Variants in STX3 observed in about 807,000 individuals in gnomAD.
STX3 encodes syntaxin 3.
In STX3, 19 loss-of-function variants were observed where a neutral mutation model predicts 40.2. That is an observed-to-expected ratio of 0.47 (90% CI 0.33 to 0.69). The LOEUF (loss-of-function observed/expected upper bound fraction) is 0.69. STX3 is among the 30% of genes least tolerant of loss of function. The pLI is 0.02. For missense variants in STX3, 364 were observed against 366.7 expected, an observed-to-expected ratio of 0.99 and a Z score of 0.06; for synonymous variants, 122 against 132.2, an observed-to-expected ratio of 0.92 and a Z score of 0.53.
Position 59,801,002 on chromosome 11 carries a change from G to A in STX3, c.*178G>A. 2.0e-6 allele frequency: 3 copies of A among 1,525,534 alleles called. No individual in the cohort carries two copies. Among genetic ancestry groups the A allele is most frequent in the Non-Finnish European group, 2.6e-6 (3 of 1,140,854 alleles). The allele number at this position is 1,525,534 out of a possible 1,614,324, so 94.5% of individuals were successfully genotyped here. A position where few individuals can be genotyped will look rare whatever the true frequency, so the allele number is the denominator to read the frequency against. ...TGACTCAGCTAACAATCTAGCCCTG[G>A]GGGAATGTGATCTACCTGATGCGAC... On this transcript the variant is annotated 3_prime_UTR_variant, in exon 11 of 11. Transcript: ENST00000337979.
At chr11:59,791,076 A>T (rs1274414625) in intron 5 of STX3, among the ~76,000 whole-genome samples, 3 of 152,134 alleles carry the variant, frequency 2.0e-5, no homozygotes, top group Non-Finnish European at 4.4e-5. Flanking sequence ...TCTCAGCATC[A>T]AAAGATCTCA....
In STX3 at chr11:59,795,878, C is replaced by T. The variant is rs1865491365; in HGVS notation, c.786+396C>T. Among the ~76,000 whole-genome samples the T allele has an allele frequency of 2.0e-5, 3 of 152,170 alleles. No individual in the cohort carries two copies. In the South Asian group the frequency reaches 6.2e-4, roughly 32 times the overall value. On this transcript the variant is annotated intron_variant, in intron 9 of 10. Transcript: ENST00000337979. ...GAGACAAGCTGCCTGCCCTTCCTTC[C>T]CAGGTGTGCCTTGCATGGATCTGGC...
chr11:59,770,215 G>T (rs764327029), intron 1 of STX3, among the ~76,000 whole-genome samples: 4 of 150,708 alleles, frequency 2.7e-5, no homozygotes, highest in Non-Finnish European at 4.4e-5. Context: ...TGAAGAGGTG[G>T]GGTGTATGTG....
At chr11:59,786,542 G>A (rs763647634) in intron 2 of STX3, among the ~76,000 whole-genome samples, 4 of 151,800 alleles carry the variant, frequency 2.6e-5, no homozygotes, top group East Asian at 1.9e-4. Context: ...GAACCACCGC[G>A]CCTGGCCTAT....
At chr11:59,787,168 C>T in intron 3 of STX3, 32 bp downstream of exon 3, 1 of 1,587,220 alleles carries the variant, frequency 6.3e-7, no homozygotes, top group Non-Finnish European at 8.6e-7. Flanking sequence ...AGTCATCCAA[C>T]AATCACCCTT....
chr11:59,764,028 A>T (rs1390028415), intron 1 of STX3, among the ~76,000 whole-genome samples: 1 of 152,206 alleles, frequency 6.6e-6, no homozygotes, highest in Non-Finnish European at 1.5e-5. Context: ...CAAAAAAAAA[A>T]AAATAAAAGG....
intron 10 of STX3, chr11:59,799,863 C>G (rs982663981): frequency 2.0e-6 from 2 of 985,030 alleles, no homozygotes; most frequent in African/African-American, 1.8e-5. Context: ...TAGCCCTTGA[C>G]TTTTTTGTAT....
rs978504053 is a variant in STX3, at chr11:59,801,469, G to A, written c.*645G>A. The A allele has an allele frequency of 8.1e-6, 8 of 986,130 alleles. No individual in the cohort carries two copies. Among genetic ancestry groups the A allele is most frequent in the Non-Finnish European group, 9.6e-6 (8 of 830,496 alleles). 61.1% of individuals were successfully genotyped at this position (986,130 alleles called of 1,614,324 possible). On this transcript the variant is annotated 3_prime_UTR_variant, in exon 11 of 11. Coordinates refer to ENST00000337979, the MANE Select transcript of STX3 (RefSeq NM_004177.5). ...GGCAACTTTGATTTTTCTCTGTGTT[G>A]TAGTCTCTCATATTTACTCAAGGAG...
At chr11:59,780,944 G>A (rs1240559187) in intron 2 of STX3, among the ~76,000 whole-genome samples, 1 of 152,130 alleles carries the variant, frequency 6.6e-6, no homozygotes, top group African/African-American at 2.4e-5. Context: ...GTATAATTCT[G>A]AGATCATTCT....
At chr11:59,783,413 C>G (rs1864545423) in intron 2 of STX3, among the ~76,000 whole-genome samples, 1 of 152,206 alleles carries the variant, frequency 6.6e-6, no homozygotes, top group Non-Finnish European at 1.5e-5. Flanking sequence ...TTCTTTGAGA[C>G]TCGATATTCT....
At chr11:59,767,530 G>A (rs935911442) in intron 1 of STX3, among the ~76,000 whole-genome samples, 2 of 152,148 alleles carry the variant, frequency 1.3e-5, no homozygotes, top group Non-Finnish European at 2.9e-5. Context: ...TGTCAGAAGG[G>A]CAGGAGCCCT....
intron 2 of STX3, among the ~76,000 whole-genome samples, chr11:59,778,139 C>T (rs565323482): frequency 6.6e-6 from 1 of 152,258 alleles, no homozygotes; most frequent in South Asian, 2.1e-4. Context: ...TAGCACATCA[C>T]TTCTGCTTGG....
In STX3 at chr11:59,767,619, G is replaced by A. The variant is rs536776125; in HGVS notation, c.31-5592G>A. Among the ~76,000 whole-genome samples, 19 of 152,310 alleles carry A rather than the reference G, an allele frequency of 1.2e-4. No homozygotes were observed. In the South Asian group the frequency reaches 3.3e-3, roughly 27 times the overall value. On this transcript the variant is annotated intron_variant, in intron 1 of 10. Coordinates refer to ENST00000337979, the MANE Select transcript of STX3 (RefSeq NM_004177.5). ...TTTCATGTGACTCCAGATAACATGC[G>A]ATGATGGCCTCTTCCTTGAGTTTTC...
At chr11:59,788,639 C>T (rs899822175) in intron 3 of STX3, among the ~76,000 whole-genome samples, 4 of 152,134 alleles carry the variant, frequency 2.6e-5, no homozygotes, top group Non-Finnish European at 5.9e-5. Context: ...TTTTGTGGTT[C>T]CAACCCTGGG....
intron 10 of STX3, chr11:59,799,872 A>G: frequency 1.0e-6 from 1 of 984,952 alleles, no homozygotes; most frequent in Non-Finnish European, 1.2e-6. Flanking sequence ...ACTTTTTTGT[A>G]TGTGAACTTT....
intron 4 of STX3, chr11:59,789,255 T>G (rs546924459): frequency 5.4e-6 from 1 of 185,240 alleles, no homozygotes; most frequent in South Asian, 7.3e-5. Flanking sequence ...TTGTCTCTCT[T>G]TTTTTTTTTT....
At position 59,763,121 on chromosome 11, in the gene STX3, C is replaced by T. The variant is rs188398276; in HGVS notation, c.30+7486C>T. 2.3e-4 allele frequency among the ~76,000 whole-genome samples: 35 copies of T among 152,222 alleles called. No homozygotes were observed. The East Asian group carries it at 6.2e-3, about 27-fold the overall frequency. ...GATGTTAGATGTGCAATAAATACTG[C>T]CGGATGAAAGAATGAACAAATGAAT... is the stretch of plus-strand genomic sequence containing the variant. On this transcript the variant is annotated intron_variant, in intron 1 of 10. Transcript: ENST00000337979.
chr11:59,790,522 T>G lies in STX3; in HGVS notation c.293T>G (p.Met98Arg). The G allele has an allele frequency of 6.2e-7, 1 of 1,613,268 alleles. No homozygotes were observed. Among genetic ancestry groups the G allele is most frequent in the Non-Finnish European group, 8.5e-7 (1 of 1,179,224 alleles). Residue 98 changes from methionine (M) to arginine (R), a missense_variant, in exon 5 of 11, where the codon ATG becomes AGG. By Grantham distance (91) the Met-to-Arg change is moderately conservative (BLOSUM62 -1). Coordinates refer to ENST00000337979, the MANE Select transcript of STX3 (RefSeq NM_004177.5). ...ANNVRNKLKS[M>R]EKHIEEDEVR... ...ATAACCTTCCTCTCCTCTTTAGGCA[T>G]GGAGAAGCATATTGAAGAAGATGAG...
chr11:59,776,682 G>C (rs1863982615), intron 2 of STX3, among the ~76,000 whole-genome samples: 2 of 152,192 alleles, frequency 1.3e-5, no homozygotes, highest in Non-Finnish European at 2.9e-5. Flanking sequence ...AGTCATAGAG[G>C]TATTTGCAAG....
Sources: allele counts gnomAD v4.1 joint callset (sites outside exome capture counted in the v4.1 genomes callset), GRCh38; gene constraint gnomAD v4.1.1; transcripts MANE v1.5; gene names NCBI Gene and HGNC (gene_info 2026-07-23, HGNC 2026-07-21).